The following CEP295 variants were observed in gnomAD, a reference collection of about 807,000 sequenced individuals.
CEP295 encodes centrosomal protein of 295 kDa.
A neutral mutation model predicts 291.6 loss-of-function variants in CEP295; 190 were observed. The observed-to-expected ratio is 0.65, with a 90% confidence interval of 0.58 to 0.73. The LOEUF (loss-of-function observed/expected upper bound fraction) is 0.73. CEP295 is among the 30% of genes least tolerant of loss of function. The pLI, the probability that CEP295 is intolerant of heterozygous loss-of-function variation, is 0.00. For synonymous variants in CEP295, 993 were observed against 1,038.8 expected, an observed-to-expected ratio of 0.96 and a Z score of 0.85; for missense variants, 2,863 against 2,949.4, an observed-to-expected ratio of 0.97 and a Z score of 0.68.
intron 17 of CEP295, among the ~76,000 whole-genome samples, chr11:93,704,705 A>T (rs1191499193): frequency 1.3e-5 from 2 of 152,114 alleles, no homozygotes; most frequent in African/African-American, 4.8e-5. Context: ...CTTCTCATGA[A>T]GTCTTGGTCT....
At position 93,699,956 on chromosome 11, in the gene CEP295, C is replaced by A. The variant is rs61740986; in HGVS notation, c.5044C>A (p.Pro1682Thr). 5.4e-5 allele frequency: 84 copies of A among 1,551,602 alleles called. 1 individual carries two copies. Among genetic ancestry groups the A allele is most frequent in the East Asian group, 3.7e-4 (15 of 40,920 alleles). Residue 1682 changes from proline (P) to threonine (T), a missense_variant, in exon 15 of 30, where the codon CCA becomes ACA. This residue lies in a region of CEP295 where 2,295 missense variants were observed against 2,335.7 expected (regional missense o/e 0.98). Transcript: ENST00000325212. ...ATCCCAGAATGAACATGCAGCCCCC[C>A]CAAGTAATCCTGTGATCCCAGGGTT... ...YSSQNEHAAP[P>T]SNPVIPGFQD...
chr11:93,717,783 G>T (rs1050951929), intron 18 of CEP295, among the ~76,000 whole-genome samples: 2 of 151,996 alleles, frequency 1.3e-5, no homozygotes, highest in Non-Finnish European at 2.9e-5. Context: ...TCTGAGACTG[G>T]CATTCCATGG....
intron 1 of CEP295, among the ~76,000 whole-genome samples, chr11:93,665,726 T>A (rs961274928): frequency 1.3e-4 from 20 of 151,994 alleles, no homozygotes; most frequent in Admixed American, 6.6e-4. Flanking sequence ...GAAGAATAGA[T>A]CTGGAAAACT....
In CEP295 at chr11:93,727,305, G is replaced by C. The variant is rs1285963071; in HGVS notation, c.6829G>C (p.Glu2277Gln). 6.4e-7 allele frequency: 1 copy of C among 1,551,620 alleles called. No individual in the cohort carries two copies. The highest frequency in any genetic ancestry group is 8.7e-7 in the Non-Finnish European group (1 of 1,146,932). ...STKHQLESRKESMGFEELSKR... is the reference protein window; with the variant it reads ...STKHQLESRKQSMGFEELSKR... ...AAAACACCAACTAGAAAGCAGAAAG[G>C]AAAGTATGGGCTTTGAAGAACTATC... Residue 2277 changes from glutamate (E) to glutamine (Q), a missense_variant, in exon 24 of 30, where the codon GAA becomes CAA. Around this residue, in one of 3 missense-constraint regions of CEP295, gnomAD observed 2,295 missense variants for 2,335.7 expected, o/e 0.98. Transcript: ENST00000325212.
At chr11:93,715,171 C>T (rs933081780) in intron 18 of CEP295, among the ~76,000 whole-genome samples, 4 of 152,142 alleles carry the variant, frequency 2.6e-5, no homozygotes, top group Non-Finnish European at 5.9e-5. Context: ...GGGTACTCTA[C>T]TGTGGCTAAG....
intron 6 of CEP295, among the ~76,000 whole-genome samples, chr11:93,676,384 A>G (rs1224376983): frequency 2.6e-5 from 4 of 152,026 alleles, no homozygotes; most frequent in Admixed American, 6.5e-5. Flanking sequence ...ATATATTGTT[A>G]TTATAATTGC....
Position 93,699,145 on chromosome 11 carries a change from T to C in CEP295, c.4233T>C (p.Asn1411=). 6.4e-7 allele frequency: 1 copy of C among 1,551,448 alleles called. No homozygotes were observed. The highest frequency in any genetic ancestry group is 8.7e-7 in the Non-Finnish European group (1 of 1,147,076). The stretch of plus-strand genomic sequence containing the variant: ...ATTCATTCGCCTCATTACCTCTTAA[T>C]GAATCTGAAAGAAACCAAGAACCAT... ...PQHSFASLPL[N]ESERNQEPCS... is the part of the protein sequence containing the mutation. The change falls in exon 15 of 30, where the codon AAT becomes AAC. Residue 1411 remains asparagine (N), a synonymous_variant. Transcript: ENST00000325212.
chr11:93,667,453 T>G (rs1358981656), intron 2 of CEP295, among the ~76,000 whole-genome samples, 154 bp from the exon 3 acceptor site: 1 of 152,248 alleles, frequency 6.6e-6, no homozygotes, highest in East Asian at 1.9e-4. Flanking sequence ...ACTCAGATTT[T>G]CTGCTTTAAA....
At chr11:93,668,130 G>C (rs1950270656) in intron 3 of CEP295, among the ~76,000 whole-genome samples, 1 of 152,040 alleles carries the variant, frequency 6.6e-6, no homozygotes, top group African/African-American at 2.4e-5. Flanking sequence ...TTTTTTGACA[G>C]ATTTGGTGGG....
At chr11:93,700,284 T>G (rs1353021017) in intron 15 of CEP295, 98 bp downstream of exon 15, 1 of 1,089,166 alleles carries the variant, frequency 9.2e-7, no homozygotes, top group Non-Finnish European at 1.3e-6. Flanking sequence ...TGAGAAAAAG[T>G]AGTTTGACCT....
chr11:93,669,564 C>T, intron 4 of CEP295, 113 bp from the exon 5 acceptor site: 3 of 630,916 alleles, frequency 4.8e-6, no homozygotes, highest in Non-Finnish European at 5.5e-6. Context: ...CTTACTGAGC[C>T]TGTGGAATCA....
Position 93,721,681 on chromosome 11 carries a change from TG to T in CEP295, c.5850+270del. Reference sequence around the variant, plus strand: ...CATATGTCTGGTGTGTGTGTGTGTGTGTGTGTGTGTGTGTGTGTGTACGCAC... The same window carrying T: ...CATATGTCTGGTGTGTGTGTGTGTGTTGTGTGTGTGTGTGTGTGTACGCAC... On this transcript the variant is annotated intron_variant, in intron 19 of 29. Coordinates refer to ENST00000325212, the MANE Select transcript of CEP295 (RefSeq NM_033395.2). 4.1e-6 allele frequency: 3 copies of T among 736,782 alleles called. No individual in the cohort carries two copies. The South Asian group carries it at 4.1e-5, about 10-fold the overall frequency. 45.6% of individuals were successfully genotyped at this position (736,782 alleles called of 1,614,324 possible). A position where few individuals can be genotyped will look rare whatever the true frequency, so the allele number is the denominator to read the frequency against.
Position 93,706,756 on chromosome 11 carries a change from A to G in CEP295, c.5608A>G (p.Ile1870Val), listed in dbSNP as rs769840063. 2.6e-6 allele frequency: 4 copies of G among 1,534,634 alleles called. No homozygotes were observed. Among genetic ancestry groups the G allele is most frequent in the African/African-American group, 2.8e-5 (2 of 72,342 alleles). The change falls in exon 18 of 30, where the codon ATT (isoleucine) becomes GTT (valine). Residue 1870 changes from isoleucine (I) to valine (V), a missense_variant. This residue lies in a region of CEP295 where 2,295 missense variants were observed against 2,335.7 expected (regional missense o/e 0.98). Coordinates refer to ENST00000325212, the MANE Select transcript of CEP295 (RefSeq NM_033395.2). ...TTTTTCCCCCCCAGGTAAACCAGGTATTTATGAAGACAGAGACCCCCTGCG... is the reference window on the plus strand; with the variant it reads ...TTTTTCCCCCCCAGGTAAACCAGGTGTTTATGAAGACAGAGACCCCCTGCG... ...GRTSILGKPG[I>V]YEDRDPLRVS...
chr11:93,665,127 G>A (rs1371296691), intron 1 of CEP295, among the ~76,000 whole-genome samples: 1 of 152,210 alleles, frequency 6.6e-6, no homozygotes, highest in Non-Finnish European at 1.5e-5. Context: ...TTAGAAAGAT[G>A]TAAATATTCA....
At chr11:93,712,951 T>A (rs940105467) in intron 18 of CEP295, among the ~76,000 whole-genome samples, 1 of 151,958 alleles carries the variant, frequency 6.6e-6, no homozygotes, top group Non-Finnish European at 1.5e-5. Context: ...TTTATTTTTT[T>A]TTTTGTATCT....
intron 24 of CEP295, 29 bp from the exon 25 acceptor site, chr11:93,728,652 A>G: frequency 4.0e-6 from 6 of 1,505,938 alleles, no homozygotes; most frequent in Non-Finnish European, 5.3e-6. Flanking sequence ...CTATTTTGAC[A>G]TGGTTTTCCT....
Position 93,697,023 on chromosome 11 carries a change from T to C in CEP295, c.2111T>C (p.Leu704Ser). 6.4e-7 allele frequency: 1 copy of C among 1,551,600 alleles called. No homozygotes were observed. Among genetic ancestry groups the C allele is most frequent in the Non-Finnish European group, 8.7e-7 (1 of 1,146,996 alleles). Residue 704 changes from leucine to serine, a missense_variant, in exon 15 of 30, where the codon TTA (leucine) becomes TCA (serine). Coordinates refer to ENST00000325212, the MANE Select transcript of CEP295 (RefSeq NM_033395.2). The part of the protein sequence containing the change: ...RASDILTNQA[L>S]ESQEHLRQFS... The stretch of plus-strand genomic sequence containing the variant: ...TCAGATATTTTAACCAATCAAGCTT[T>C]AGAATCACAAGAACATCTAAGGCAA...
intron 1 of CEP295, among the ~76,000 whole-genome samples, chr11:93,664,001 C>T (rs1950103303): frequency 6.6e-6 from 1 of 152,038 alleles, no homozygotes; most frequent in African/African-American, 2.4e-5. Flanking sequence ...AGTAAGGTAA[C>T]TTTATTTTTA....
At chr11:93,695,206 T>C (rs1591051726) in intron 12 of CEP295, among the ~76,000 whole-genome samples, 1 of 152,242 alleles carries the variant, frequency 6.6e-6, no homozygotes, top group Admixed American at 6.5e-5. Flanking sequence ...TCTTCAGTGG[T>C]GATCAGGGTT....
Sources: gnomAD v4.1 joint callset for allele counts (sites outside exome capture counted in the v4.1 genomes callset) on GRCh38, gnomAD v4.1.1 for gene constraint, gnomAD v4.1.1 regional missense constraint, MANE v1.5 for transcripts, NCBI Gene and HGNC (gene_info 2026-07-23, HGNC 2026-07-21) for gene names.